The following CATSPERB variants were observed in gnomAD, a reference collection of about 807,000 sequenced individuals.
CATSPERB encodes cation channel sperm-associated auxiliary subunit beta.
Under a neutral mutation model 128.3 loss-of-function variants are expected in CATSPERB, and 93 were observed. The ratio of observed to expected loss-of-function variants is 0.72; its 90% CI spans 0.61 to 0.86. The LOEUF (loss-of-function observed/expected upper bound fraction) is 0.86. Among genes scored for constraint, CATSPERB ranks in the 40% least tolerant of loss-of-function variants. The pLI is 0.00. For missense variants in CATSPERB, 1,153 were observed against 1,329.5 expected, an observed-to-expected ratio of 0.87 and a Z score of 2.06; for synonymous variants, 381 against 448.8, an observed-to-expected ratio of 0.85 and a Z score of 1.91.
At chr14:91,646,625 T>C (rs1239782112) in intron 15 of CATSPERB, among the ~76,000 whole-genome samples, 1 of 152,200 alleles carries the variant, frequency 6.6e-6, no homozygotes, top group African/African-American at 2.4e-5. Context: ...CTGCAATGCT[T>C]ACTCTGCTTC....
intron 13 of CATSPERB, among the ~76,000 whole-genome samples, chr14:91,671,521 G>A (rs535574747): frequency 2.0e-5 from 3 of 152,074 alleles, no homozygotes; most frequent in African/African-American, 4.8e-5. Context: ...GTTGCAGTGC[G>A]CCGAGGTTGC....
At chr14:91,674,112 C>T in intron 12 of CATSPERB, 64 bp downstream of exon 12, 1 of 904,876 alleles carries the variant, frequency 1.1e-6, no homozygotes, top group Non-Finnish European at 1.8e-6. Flanking sequence ...AGATTAATCC[C>T]AATCCATGAA....
chr14:91,711,312 C>A (rs972101268), intron 5 of CATSPERB, among the ~76,000 whole-genome samples: 1 of 152,184 alleles, frequency 6.6e-6, no homozygotes, highest in Admixed American at 6.5e-5. Context: ...CTCACTGCAA[C>A]CCCCACTTTC....
intron 6 of CATSPERB, 57 bp from the exon 7 acceptor site, chr14:91,704,758 T>C (rs1201882715): frequency 5.2e-6 from 8 of 1,546,536 alleles, no homozygotes; most frequent in Non-Finnish European, 7.0e-6. Flanking sequence ...AAATGGATGC[T>C]ACTTTCCTTT....
chr14:91,625,205 G>T (rs1465541042), intron 17 of CATSPERB, among the ~76,000 whole-genome samples, 198 bp from the exon 18 acceptor site: 1 of 152,150 alleles, frequency 6.6e-6, no homozygotes, highest in African/African-American at 2.4e-5. Flanking sequence ...TAAAATTAGC[G>T]AAGATCTTTA....
At chr14:91,607,855 T>C (rs1893741487) in intron 22 of CATSPERB, among the ~76,000 whole-genome samples, 1 of 149,556 alleles carries the variant, frequency 6.7e-6, no homozygotes, top group African/African-American at 2.5e-5. Context: ...TCTCCCTCCC[T>C]CCCTCCCTCC....
chr14:91,616,926 T>C (rs1236746013), intron 20 of CATSPERB, among the ~76,000 whole-genome samples: 1 of 151,988 alleles, frequency 6.6e-6, no homozygotes, highest in African/African-American at 2.4e-5. Context: ...GTATTTTTAG[T>C]AGAGACGGGG....
chr14:91,718,753 C>T (rs1382404219), intron 5 of CATSPERB, among the ~76,000 whole-genome samples: 2 of 152,220 alleles, frequency 1.3e-5, no homozygotes, highest in African/African-American at 4.8e-5. Flanking sequence ...CTAATTCCTT[C>T]CTATAAGATG....
At chr14:91,697,430 A>C (rs1895582212) in intron 7 of CATSPERB, among the ~76,000 whole-genome samples, 2 of 152,220 alleles carry the variant, frequency 1.3e-5, no homozygotes, top group South Asian at 4.1e-4. Context: ...CAGACAAAGA[A>C]TAAGAGGCAG....
chr14:91,611,128 A>G (rs1353740491), intron 20 of CATSPERB, among the ~76,000 whole-genome samples: 1 of 152,228 alleles, frequency 6.6e-6, no homozygotes, highest in Admixed American at 6.5e-5. Context: ...TATAGTGAAG[A>G]ATATAGAAAA....
chr14:91,611,309 G>T (rs1202550135), intron 20 of CATSPERB, among the ~76,000 whole-genome samples: 3 of 152,058 alleles, frequency 2.0e-5, no homozygotes, highest in Non-Finnish European at 4.4e-5. Flanking sequence ...AATAAGCTAG[G>T]ATCAAGAACC....
At chr14:91,674,766 G>A (rs972037371) in intron 11 of CATSPERB, among the ~76,000 whole-genome samples, 13 of 152,144 alleles carry the variant, frequency 8.5e-5, no homozygotes, top group African/African-American at 2.7e-4. Context: ...AAATTCCAGA[G>A]ATTACCTCAA....
intron 4 of CATSPERB, among the ~76,000 whole-genome samples, chr14:91,721,057 C>T (rs980702095): frequency 6.6e-6 from 1 of 152,120 alleles, no homozygotes; most frequent in African/African-American, 2.4e-5. Context: ...CCTTATCTCA[C>T]ATCAAATACA....
Position 91,683,857 on chromosome 14 carries a change from T to C in CATSPERB, c.931+20A>G, listed in dbSNP as rs201584229. The C allele has an allele frequency of 5.7e-4, 876 of 1,530,044 alleles. No homozygotes were observed. Among genetic ancestry groups the C allele is most frequent in the Non-Finnish European group, 7.2e-4 (801 of 1,113,224 alleles). The allele number at this position is 1,530,044 out of a possible 1,614,324, so 94.8% of individuals were successfully genotyped here. On this transcript the variant is annotated intron_variant, in intron 11 of 26. Transcript: ENST00000256343. ...TATGTAAAAGTCTCTTAATACAGTA[T>C]ATCTTTAACCAAAATTTACCTTCAA...
chr14:91,721,088 C>A (rs185748878), intron 4 of CATSPERB, among the ~76,000 whole-genome samples: 35 of 152,152 alleles, frequency 2.3e-4, no homozygotes, highest in South Asian at 8.3e-4. Flanking sequence ...CAAAATGGAT[C>A]CAAGATCTAA....
chr14:91,731,473 C>A (rs1332211757), intron 1 of CATSPERB, among the ~76,000 whole-genome samples: 1 of 152,176 alleles, frequency 6.6e-6, no homozygotes, highest in African/African-American at 2.4e-5. Flanking sequence ...TATTTAACTT[C>A]TTGGAGTTCA....
At chr14:91,617,539 T>C (rs891153071) in intron 20 of CATSPERB, 58 bp downstream of exon 20, 6 of 1,341,698 alleles carry the variant, frequency 4.5e-6, no homozygotes, top group Non-Finnish European at 6.1e-6. Context: ...TTAATAATAG[T>C]TGTTTCAGAA....
In CATSPERB at chr14:91,704,423, A is replaced by C. The variant is rs1895702600; in HGVS notation, c.616+129T>G. ...GACAAGATACAGTATTGAATAATAA[A>C]TTTTTAGGTATTTTTAGGAAACAAT... On this transcript the variant is annotated intron_variant, in intron 7 of 26. Transcript: ENST00000256343. The C allele has an allele frequency of 4.6e-6, 4 of 867,580 alleles. No homozygotes were observed. In the South Asian group the frequency reaches 8.5e-5, roughly 18 times the overall value. 53.7% of individuals were successfully genotyped at this position (867,580 alleles called of 1,614,324 possible). A position where few individuals can be genotyped will look rare whatever the true frequency, so the allele number is the denominator to read the frequency against.
chr14:91,704,742 C>G, intron 6 of CATSPERB, 41 bp from the exon 7 acceptor site: 1 of 1,587,018 alleles, frequency 6.3e-7, no homozygotes, highest in South Asian at 1.2e-5. Flanking sequence ...GTGGGAGCAC[C>G]CTTGAAAATG....
Sources: gnomAD v4.1 joint callset for allele counts (sites outside exome capture counted in the v4.1 genomes callset) on GRCh38, gnomAD v4.1.1 for gene constraint, MANE v1.5 for transcripts, NCBI Gene and HGNC (gene_info 2026-07-23, HGNC 2026-07-21) for gene names.